Variants in JARID2 observed in about 807,000 individuals in gnomAD.
The protein encoded by JARID2 is jumonji and AT-rich interaction domain containing 2.
Under a neutral mutation model 125.6 loss-of-function variants are expected in JARID2, and 21 were observed. That is an observed-to-expected ratio of 0.17 (90% CI 0.12 to 0.24). JARID2 has a LOEUF of 0.24. JARID2 is among the 10% of genes least tolerant of loss of function. The pLI, the probability that JARID2 is intolerant of heterozygous loss-of-function variation, is 1.00. For missense variants in JARID2, 1,303 were observed against 1,639.6 expected, an observed-to-expected ratio of 0.79 and a Z score of 3.55; for synonymous variants, 736 against 661.6, an observed-to-expected ratio of 1.11 and a Z score of -1.73.
At chr6:15,508,652 T>C (rs545700669) in intron 12 of JARID2, among the ~76,000 whole-genome samples, 198 bp downstream of exon 12, 4 of 152,358 alleles carry the variant, frequency 2.6e-5, no homozygotes, top group African/African-American at 9.6e-5. Context: ...GTTGGGGTGC[T>C]GGAGAATGTT....
chr6:15,414,428 T>C (rs1191872565), intron 3 of JARID2, among the ~76,000 whole-genome samples: 1 of 152,230 alleles, frequency 6.6e-6, no homozygotes, highest in East Asian at 1.9e-4. Context: ...TTTTTAGCTA[T>C]AGAAACCAGT....
At chr6:15,418,778 C>T (rs1341865771) in intron 3 of JARID2, among the ~76,000 whole-genome samples, 1 of 152,254 alleles carries the variant, frequency 6.6e-6, no homozygotes, top group East Asian at 1.9e-4. Context: ...ACTCAGTGTA[C>T]TCTGAGATAT....
Position 15,370,214 on chromosome 6 carries a change from G to A in JARID2, c.46-3903G>A, listed in dbSNP as rs182321368. Reference sequence around the variant, plus strand: ...ACAAGAGTAGTGATTTCCTTGCCCCGTGGTTAAATGCCTAATTAAATAAGA... The same window carrying A: ...ACAAGAGTAGTGATTTCCTTGCCCCATGGTTAAATGCCTAATTAAATAAGA... On this transcript the variant is annotated intron_variant, in intron 1 of 17. Coordinates refer to ENST00000341776, the MANE Select transcript of JARID2 (RefSeq NM_004973.4). 1.1e-4 allele frequency among the ~76,000 whole-genome samples: 16 copies of A among 152,210 alleles called. No homozygotes were observed. The East Asian group carries it at 1.7e-3, about 17-fold the overall frequency.
rs1169000257 is a variant in JARID2 at position 15,521,172 on chromosome 6, GCTT to G, written c.*925_*927del. 1 of 155,594 alleles carries G rather than the reference GCTT, an allele frequency of 6.4e-6. No individual in the cohort carries two copies. The highest frequency in any genetic ancestry group is 1.4e-5 in the Non-Finnish European group (1 of 70,996). 9.6% of individuals were successfully genotyped at this position (155,594 alleles called of 1,614,324 possible). A position where few individuals can be genotyped will look rare whatever the true frequency, so the allele number is the denominator to read the frequency against. On this transcript the variant is annotated 3_prime_UTR_variant, in exon 18 of 18. Transcript: ENST00000341776. ...TCTAACATTCCATCTCCATCTCACC[GCTT>G]CTTGTTTGACACCTTCACAAGTCAG...
intron 1 of JARID2, among the ~76,000 whole-genome samples, chr6:15,356,601 TG>T (rs1260164221): frequency 6.6e-6 from 1 of 152,076 alleles, no homozygotes; most frequent in Non-Finnish European, 1.5e-5. Context: ...TGGGAAGAAA[TG>T]TATTATAGTT....
In JARID2 at chr6:15,497,103, G is replaced by A. The variant is rs769355906; in HGVS notation, c.1878G>A (p.Gln626=). ...GCCGGCGCTGGGGCCCCAACGTGCA[G>A]CGGCTGGCCTGCATCAAGAAGCACC... ...KLGRRWGPNV[Q]RLACIKKHLK... is the part of the protein sequence containing the mutation. Residue 626 remains glutamine (Q), a synonymous_variant, in exon 7 of 18, where the codon CAG becomes CAA. Transcript: ENST00000341776. 6 of 1,576,710 alleles carry A rather than the reference G, an allele frequency of 3.8e-6. No individual in the cohort carries two copies. The South Asian group carries it at 6.9e-5, about 18-fold the overall frequency.
intron 1 of JARID2, among the ~76,000 whole-genome samples, chr6:15,250,375 A>G (rs1479833942): frequency 6.6e-6 from 1 of 152,182 alleles, no homozygotes; most frequent in Non-Finnish European, 1.5e-5. Flanking sequence ...ACGTTATTTT[A>G]CAGTTGGTGG....
intron 3 of JARID2, among the ~76,000 whole-genome samples, chr6:15,410,869 C>G (rs946648415): frequency 1.3e-5 from 2 of 152,134 alleles, no homozygotes; most frequent in African/African-American, 2.4e-5. Context: ...GTGCTTAAAA[C>G]TTAGAACAGC....
chr6:15,509,563 G>A (rs1488714004), intron 12 of JARID2, among the ~76,000 whole-genome samples: 1 of 152,232 alleles, frequency 6.6e-6, no homozygotes, highest in African/African-American at 2.4e-5. Context: ...CCTGTGGAGC[G>A]GGGACTGACA....
At chr6:15,308,417 A>C (rs953311138) in intron 1 of JARID2, among the ~76,000 whole-genome samples, 3 of 152,120 alleles carry the variant, frequency 2.0e-5, no homozygotes, top group Non-Finnish European at 4.4e-5. Flanking sequence ...ATTTCCCTCA[A>C]CTCAGCCTCT....
chr6:15,496,533 G>T lies in JARID2; in HGVS notation c.1308G>T (p.Gly436=). The T allele has an allele frequency of 6.2e-7, 1 of 1,608,496 alleles. No individual in the cohort carries two copies. Among genetic ancestry groups the T allele is most frequent in the South Asian group, 1.1e-5 (1 of 90,674 alleles). ...QLREGLQLRE[G]LRNSKRRLEE... Reference sequence around the variant, plus strand: ...GGGAGGGCCTGCAGCTGCGGGAGGGGCTGCGGAACTCCAAGAGGAGACTGG... The same window carrying T: ...GGGAGGGCCTGCAGCTGCGGGAGGGTCTGCGGAACTCCAAGAGGAGACTGG... Residue 436 remains glycine (G), a synonymous_variant, in exon 7 of 18, where the codon GGG becomes GGT. Transcript: ENST00000341776.
chr6:15,482,271 AG>A (rs1769657190), intron 5 of JARID2, among the ~76,000 whole-genome samples: 1 of 152,226 alleles, frequency 6.6e-6, no homozygotes, highest in African/African-American at 2.4e-5. Flanking sequence ...ATCTGGCCCC[AG>A]GGTTTCAGGC....
chr6:15,392,713 G>A (rs920816397), intron 2 of JARID2, among the ~76,000 whole-genome samples: 7 of 131,388 alleles, frequency 5.3e-5, no homozygotes, highest in East Asian at 2.3e-4. Flanking sequence ...TCAGGGTTTC[G>A]CTTTGTTGCC....
intron 2 of JARID2, among the ~76,000 whole-genome samples, chr6:15,383,658 T>C (rs533971492): frequency 6.6e-6 from 1 of 152,296 alleles, no homozygotes; most frequent in African/African-American, 2.4e-5. Context: ...CCCCTCACGT[T>C]GGGCCACTTA....
At chr6:15,495,639 G>T in intron 6 of JARID2, among the ~76,000 whole-genome samples, 1 of 152,128 alleles carries the variant, frequency 6.6e-6, no homozygotes, top group Non-Finnish European at 1.5e-5. Context: ...CTGTGGGCAG[G>T]TCATGCTGCT....
intron 2 of JARID2, among the ~76,000 whole-genome samples, chr6:15,388,402 C>T (rs555496614): frequency 4.6e-5 from 7 of 151,994 alleles, no homozygotes; most frequent in African/African-American, 1.7e-4. Flanking sequence ...TTTTTAAGCT[C>T]ACCTGCTGCC....
intron 1 of JARID2, among the ~76,000 whole-genome samples, chr6:15,332,403 T>C (rs1042573738): frequency 2.0e-5 from 3 of 152,214 alleles, no homozygotes; most frequent in Admixed American, 2.0e-4. Context: ...ACACCAAATC[T>C]TAATTTTCAT....
At chr6:15,465,112 A>T (rs1034041199) in intron 4 of JARID2, among the ~76,000 whole-genome samples, 2 of 152,192 alleles carry the variant, frequency 1.3e-5, no homozygotes, top group Non-Finnish European at 2.9e-5. Context: ...GGAGCCATTA[A>T]AACAAATCCA....
intron 8 of JARID2, 104 bp downstream of exon 8, chr6:15,501,513 C>T: frequency 2.6e-6 from 3 of 1,174,764 alleles, no homozygotes; most frequent in Non-Finnish European, 3.5e-6. Context: ...CTCTGATTCC[C>T]TGGGGTGATG....
Sources: gnomAD v4.1 joint callset for allele counts (sites outside exome capture counted in the v4.1 genomes callset) on GRCh38, gnomAD v4.1.1 for gene constraint, MANE v1.5 for transcripts, NCBI Gene and HGNC (gene_info 2026-07-23, HGNC 2026-07-21) for gene names.